PLD5: variants seen among roughly 807,000 people sequenced by gnomAD.
The protein encoded by PLD5 is inactive phospholipase D5.
PLD5 carries 36 observed loss-of-function variants against 61.1 expected under a neutral mutation model. The ratio of observed to expected loss-of-function variants is 0.59; its 90% confidence interval spans 0.45 to 0.78. The LOEUF is 0.78. Ranked by LOEUF, PLD5 falls within the 30% of genes least tolerant of loss-of-function variation. PLD5 has a pLI of 0.00. For synonymous variants in PLD5, 243 were observed against 242.8 expected (o/e 1.00, Z -0.01); for missense variants, 515 against 644.4 (o/e 0.80, Z 2.17).
At chr1:242,158,197 G>A (rs1665540146) in intron 5 of PLD5, among the ~76,000 whole-genome samples, 1 of 152,174 alleles carries the variant, frequency 6.6e-6, no homozygotes, top group Non-Finnish European at 1.5e-5. Context: ...GAGCCTCCTG[G>A]TATGCTGGCA....
chr1:242,338,349 C>A (rs1659645426), intron 2 of PLD5, among the ~76,000 whole-genome samples: 1 of 152,098 alleles, frequency 6.6e-6, no homozygotes, highest in South Asian at 2.1e-4. Context: ...GGGCCTCTTC[C>A]TGACAAGGCA....
At chr1:242,148,718 T>G (rs1024172894) in intron 5 of PLD5, among the ~76,000 whole-genome samples, 4 of 152,002 alleles carry the variant, frequency 2.6e-5, no homozygotes, top group Admixed American at 6.6e-5. Context: ...AAATATTTCA[T>G]AGTTTTGATA....
chr1:242,481,310 C>G (rs1661094290), intron 1 of PLD5, among the ~76,000 whole-genome samples: 1 of 152,138 alleles, frequency 6.6e-6, no homozygotes, highest in African/African-American at 2.4e-5. Flanking sequence ...CCTTTCCTAG[C>G]CAAGGAAAGG....
intron 9 of PLD5, among the ~76,000 whole-genome samples, chr1:242,094,572 G>T (rs1660079697): frequency 1.3e-5 from 2 of 151,932 alleles, no homozygotes; most frequent in Admixed American, 1.3e-4. Flanking sequence ...TTTTCTTCTA[G>T]GGTTGAGTAT....
At chr1:242,251,722 T>C (rs1672716958) in intron 4 of PLD5, among the ~76,000 whole-genome samples, 1 of 152,068 alleles carries the variant, frequency 6.6e-6, no homozygotes, top group African/African-American at 2.4e-5. Context: ...TGAGTGTGTT[T>C]ATACATTAAG....
At chr1:242,192,123 C>A (rs1178821428) in intron 5 of PLD5, 1 of 152,218 alleles carries the variant, frequency 6.6e-6, no homozygotes, top group Non-Finnish European at 1.5e-5. Flanking sequence ...ATATAACTGC[C>A]TAGTTGACGT....
intron 4 of PLD5, among the ~76,000 whole-genome samples, chr1:242,234,759 C>T (rs1671528380): frequency 6.6e-6 from 1 of 152,210 alleles, no homozygotes; most frequent in East Asian, 1.9e-4. Context: ...TTCTTCCTTT[C>T]TCAGTCCCTG....
chr1:242,280,323 C>A (rs1422191005), intron 3 of PLD5, among the ~76,000 whole-genome samples: 1 of 152,168 alleles, frequency 6.6e-6, no homozygotes, highest in East Asian at 1.9e-4. Flanking sequence ...TGCGAATTTG[C>A]CTTTTCTATA....
intron 1 of PLD5, among the ~76,000 whole-genome samples, chr1:242,382,950 T>G (rs1015608643): frequency 7.9e-5 from 12 of 152,192 alleles, no homozygotes; most frequent in Non-Finnish European, 1.8e-4. Context: ...AAAAATCATT[T>G]CTCTTAGATT....
At chr1:242,117,132 G>T (rs1662005620) in intron 6 of PLD5, among the ~76,000 whole-genome samples, 1 of 152,116 alleles carries the variant, frequency 6.6e-6, no homozygotes, top group Non-Finnish European at 1.5e-5. Context: ...TGGTTTCTCA[G>T]AATCCAGCTT....
chr1:242,311,254 G>A (rs1237221052), intron 2 of PLD5, among the ~76,000 whole-genome samples: 1 of 152,170 alleles, frequency 6.6e-6, no homozygotes, highest in Non-Finnish European at 1.5e-5. Context: ...TGCAGATAAT[G>A]GGTTGTGGTC....
chr1:242,324,452 A>G (rs1305601173), intron 2 of PLD5, among the ~76,000 whole-genome samples: 1 of 152,220 alleles, frequency 6.6e-6, no homozygotes, highest in Non-Finnish European at 1.5e-5. Context: ...AAGAAATATG[A>G]CCTAACCGAC....
chr1:242,297,617 GTTTCTTTTTTTTTTTTT>G (rs1416238591), intron 2 of PLD5, among the ~76,000 whole-genome samples: 2 of 124,598 alleles, frequency 1.6e-5, no homozygotes, highest in African/African-American at 3.2e-5. Context: ...ATGGATTCAT[GTTTCTTTTTTTTTTTTT>G]TTTTTTTTTT....
chr1:242,417,753 G>A lies in PLD5; in HGVS notation c.190-69511C>T, dbSNP rs578067280. On this transcript the variant is annotated intron_variant, in intron 1 of 9. Transcript: ENST00000536534. ...CTGTGGGAATGTTCTTGGCATTTTT[G>A]TGGAAGAAAGAGGCCAGTACGGGGG... 4.3e-4 allele frequency among the ~76,000 whole-genome samples: 65 copies of A among 152,294 alleles called. 1 individual carries two copies. The South Asian group carries it at 0.013, about 31-fold the overall frequency.
intron 2 of PLD5, among the ~76,000 whole-genome samples, chr1:242,291,379 T>C (rs1172940091): frequency 6.6e-6 from 1 of 152,142 alleles, no homozygotes; most frequent in East Asian, 1.9e-4. Context: ...GGATGTTTTG[T>C]TGGTCCGGAA....
intron 2 of PLD5, among the ~76,000 whole-genome samples, chr1:242,289,426 G>T (rs1277526504): frequency 6.6e-6 from 1 of 152,122 alleles, no homozygotes; most frequent in African/African-American, 2.4e-5. Flanking sequence ...TTGGCTCACT[G>T]CATCCTCCGC....
intron 5 of PLD5, among the ~76,000 whole-genome samples, chr1:242,132,196 G>T (rs983521536): frequency 1.0e-5 from 1 of 97,698 alleles, no homozygotes; most frequent in Non-Finnish European, 2.3e-5. Flanking sequence ...TGATTGCGGG[G>T]GGGGGGGGGG....
At chr1:242,391,386 A>C (rs1428006935) in intron 1 of PLD5, among the ~76,000 whole-genome samples, 1 of 152,182 alleles carries the variant, frequency 6.6e-6, no homozygotes, top group Non-Finnish European at 1.5e-5. Context: ...AAAAGAACAA[A>C]TGGAAAATTT....
intron 2 of PLD5, among the ~76,000 whole-genome samples, chr1:242,346,147 C>A: frequency 6.9e-6 from 1 of 145,160 alleles, no homozygotes; most frequent in African/African-American, 2.6e-5. Context: ...ATAATATTTT[C>A]CAGATGGTGG....
Sources: gnomAD v4.1 joint callset for allele counts (sites outside exome capture counted in the v4.1 genomes callset) on GRCh38, gnomAD v4.1.1 for gene constraint, MANE v1.5 for transcripts, NCBI Gene and HGNC (gene_info 2026-07-23, HGNC 2026-07-21) for gene names.